The following TECPR2 variants were observed in gnomAD, a reference collection of about 807,000 sequenced individuals.
TECPR2 encodes tectonin beta-propeller repeat-containing protein 2.
TECPR2 carries 65 observed loss-of-function variants against 138.1 expected under a neutral mutation model. That is an observed-to-expected ratio of 0.47 (90% confidence interval 0.39 to 0.58). The LOEUF is 0.58. Among genes scored for constraint, TECPR2 ranks in the 20% least tolerant of loss-of-function variants. The probability of loss-of-function intolerance (pLI) is 0.00; values close to 1 mark genes in which losing one functional copy is unlikely to be tolerated. For missense variants in TECPR2, 1,553 were observed against 1,824.5 expected (o/e 0.85, Z 2.71); for synonymous variants, 746 against 749.8 (o/e 0.99, Z 0.08).
At position 102,432,246 on chromosome 14, in the gene TECPR2, C is replaced by G. The variant is rs1162957393; in HGVS notation, c.1417+118C>G. The G allele has an allele frequency of 1.7e-5, 18 of 1,056,432 alleles. No individual in the cohort carries two copies. In the Admixed American group the frequency reaches 4.5e-4, roughly 26 times the overall value. The allele number at this position is 1,056,432 out of a possible 1,614,324, so 65.4% of individuals were successfully genotyped here. ...TACATCCAAAAGCAGAGAACACATA[C>G]ATTTCTTCCCCAAAGGAGTTTTACT... On this transcript the variant is annotated intron_variant, in intron 8 of 19. Coordinates refer to ENST00000359520, the MANE Select transcript of TECPR2 (RefSeq NM_014844.5).
intron 12 of TECPR2, among the ~76,000 whole-genome samples, chr14:102,444,200 T>TC (rs199564485): frequency 1.3e-5 from 2 of 151,670 alleles, no homozygotes; most frequent in South Asian, 2.1e-4. Flanking sequence ...TGTAGCTTTT[T>TC]TTTTTTTTTT....
At chr14:102,497,795 C>A in intron 19 of TECPR2, 76 bp downstream of exon 19, 1 of 1,459,474 alleles carries the variant, frequency 6.9e-7, no homozygotes, top group Non-Finnish European at 9.1e-7. Context: ...GGGGGGCTCT[C>A]AAAGAAGCCG....
chr14:102,469,437 A>T (rs982508068), intron 17 of TECPR2, among the ~76,000 whole-genome samples: 1 of 152,092 alleles, frequency 6.6e-6, no homozygotes, highest in Non-Finnish European at 1.5e-5. Flanking sequence ...AAACTTGTTT[A>T]TTGGGTCTAA....
At chr14:102,391,461 G>C (rs145730356) in intron 2 of TECPR2, among the ~76,000 whole-genome samples, 6 of 152,132 alleles carry the variant, frequency 3.9e-5, no homozygotes, top group African/African-American at 1.2e-4. Flanking sequence ...TTGGTGGGGT[G>C]GGGTATGTAG....
chr14:102,392,580 TC>T lies in TECPR2; in HGVS notation c.220-14757del, dbSNP rs1377078675. On this transcript the variant is annotated intron_variant, in intron 2 of 19. Coordinates refer to ENST00000359520, the MANE Select transcript of TECPR2 (RefSeq NM_014844.5). ...ATTTTTAAAACATTTTAATCATTTT[TC>T]TTTTATGTTCTGTGTTCTTCAATCT... 7.2e-5 allele frequency among the ~76,000 whole-genome samples: 11 copies of T among 152,354 alleles called. No individual in the cohort carries two copies. The East Asian group carries it at 2.1e-3, about 29-fold the overall frequency.
intron 2 of TECPR2, among the ~76,000 whole-genome samples, chr14:102,394,706 A>T (rs970639359): frequency 2.6e-5 from 4 of 152,188 alleles, no homozygotes; most frequent in African/African-American, 9.7e-5. Flanking sequence ...CTGTTTGAGG[A>T]TCCAGTTATG....
intron 2 of TECPR2, among the ~76,000 whole-genome samples, chr14:102,377,867 A>G (rs1887683349): frequency 6.6e-6 from 1 of 152,212 alleles, no homozygotes; most frequent in Non-Finnish European, 1.5e-5. Flanking sequence ...AATTATGATG[A>G]AAAAAGGATG....
rs561157225 is a variant in TECPR2 at position 102,466,025 on chromosome 14, C to T, written c.3789+736C>T. Among the ~76,000 whole-genome samples the T allele has an allele frequency of 1.8e-4, 28 of 152,104 alleles. 1 individual carries two copies. The highest frequency in any genetic ancestry group is 6.3e-4 in the African/African-American group (26 of 41,398). On this transcript the variant is annotated intron_variant, in intron 17 of 19. Transcript: ENST00000359520. ...GTGAAGTTGCCAATTGTGGAGGCAG[C>T]AGTGGGGCAGGGGGGATGGTTCGTT...
At chr14:102,400,536 C>T (rs1888450099) in intron 2 of TECPR2, among the ~76,000 whole-genome samples, 1 of 152,078 alleles carries the variant, frequency 6.6e-6, no homozygotes, top group Non-Finnish European at 1.5e-5. Context: ...TGAAATTAAG[C>T]TGATAGAAAT....
intron 5 of TECPR2, among the ~76,000 whole-genome samples, chr14:102,421,016 A>G (rs1322110978): frequency 6.6e-6 from 1 of 152,084 alleles, no homozygotes; most frequent in East Asian, 1.9e-4. Context: ...CATCTTATTT[A>G]TTTTTTATTT....
chr14:102,487,932 C>T (rs552129165), intron 17 of TECPR2, among the ~76,000 whole-genome samples: 7 of 151,250 alleles, frequency 4.6e-5, no homozygotes, highest in Non-Finnish European at 8.8e-5. Flanking sequence ...ACCTCTGCCT[C>T]CCGGGTTCAA....
chr14:102,425,410 C>T, intron 6 of TECPR2, 119 bp downstream of exon 6: 2 of 1,031,504 alleles, frequency 1.9e-6, no homozygotes, highest in East Asian at 2.9e-5. Context: ...TTACACTTTA[C>T]TTTTTCCTTT....
chr14:102,377,817 G>A (rs1195863038), intron 2 of TECPR2, among the ~76,000 whole-genome samples: 1 of 152,230 alleles, frequency 6.6e-6, no homozygotes, highest in South Asian at 2.1e-4. Flanking sequence ...GCACATGCCT[G>A]TTTTTCAAAG....
At chr14:102,447,375 C>T (rs949997961) in intron 13 of TECPR2, among the ~76,000 whole-genome samples, 5 of 152,124 alleles carry the variant, frequency 3.3e-5, no homozygotes, top group African/African-American at 1.2e-4. Flanking sequence ...TCCCAAAGCG[C>T]TGGGATTACA....
At chr14:102,366,637 A>G (rs1887354664) in intron 1 of TECPR2, among the ~76,000 whole-genome samples, 1 of 152,202 alleles carries the variant, frequency 6.6e-6, no homozygotes. Context: ...GTGAGCCATC[A>G]TGCCCAGCCC....
intron 12 of TECPR2, 38 bp from the exon 13 acceptor site, chr14:102,445,768 A>G (rs545894524): frequency 8.1e-6 from 13 of 1,602,446 alleles, no homozygotes; most frequent in Non-Finnish European, 1.0e-5. Context: ...CACTCTGCCT[A>G]TGGGTGCTGA....
At chr14:102,459,202 A>G (rs925106157) in intron 16 of TECPR2, among the ~76,000 whole-genome samples, 2 of 151,986 alleles carry the variant, frequency 1.3e-5, no homozygotes, top group African/African-American at 4.8e-5. Context: ...AAGTGCGGGG[A>G]TTACAACTGC....
intron 1 of TECPR2, among the ~76,000 whole-genome samples, chr14:102,374,915 G>A (rs755832496): frequency 6.6e-6 from 1 of 152,318 alleles, no homozygotes; most frequent in Non-Finnish European, 1.5e-5. Flanking sequence ...TTCTCCCTGC[G>A]GGGGGAAGAG....
At chr14:102,479,802 T>C (rs1217385933) in intron 17 of TECPR2, among the ~76,000 whole-genome samples, 1 of 152,188 alleles carries the variant, frequency 6.6e-6, no homozygotes, top group Non-Finnish European at 1.5e-5. Flanking sequence ...CAGCGTCGCT[T>C]GTATGCATGA....
Sources: gnomAD v4.1 joint callset for allele counts (sites outside exome capture counted in the v4.1 genomes callset) on GRCh38, gnomAD v4.1.1 for gene constraint, MANE v1.5 for transcripts, NCBI Gene and HGNC (gene_info 2026-07-23, HGNC 2026-07-21) for gene names.